MTMR7: variants seen among roughly 807,000 people sequenced by gnomAD.
The protein encoded by MTMR7 is phosphatidylinositol-3-phosphate phosphatase MTMR7.
A neutral mutation model predicts 81.2 loss-of-function variants in MTMR7; 76 were observed. That is an observed-to-expected ratio of 0.94 (90% CI 0.78 to 1.13). MTMR7 has a LOEUF of 1.13. Ranked by LOEUF, MTMR7 falls within the 50% of genes most tolerant of loss-of-function variation. The pLI is 0.00. For missense variants in MTMR7, 1,044 were observed against 820.0 expected (o/e 1.27, Z -3.34); for synonymous variants, 372 against 289.8 (o/e 1.28, Z -2.88).
chr8:17,318,386 T>G (rs748713315), intron 7 of MTMR7, among the ~76,000 whole-genome samples: 1 of 151,924 alleles, frequency 6.6e-6, no homozygotes, highest in Non-Finnish European at 1.5e-5. Flanking sequence ...ACAGCGTTCA[T>G]GATAATGGCT....
chr8:17,311,700 C>T, intron 8 of MTMR7, 64 bp from the exon 9 acceptor site: 1 of 1,608,552 alleles, frequency 6.2e-7, no homozygotes, highest in Non-Finnish European at 8.5e-7. Context: ...AACCTCTCAT[C>T]ACAGCCAGGT....
intron 3 of MTMR7, among the ~76,000 whole-genome samples, chr8:17,364,783 G>C (rs1820174819): frequency 1.3e-5 from 2 of 152,168 alleles, no homozygotes; most frequent in Admixed American, 6.5e-5. Context: ...TCCATTATTT[G>C]TATATACCAT....
At chr8:17,303,579 C>T (rs1386570061) in intron 12 of MTMR7, among the ~76,000 whole-genome samples, 1 of 151,356 alleles carries the variant, frequency 6.6e-6, no homozygotes, top group African/African-American at 2.4e-5. Flanking sequence ...GGATGCCACC[C>T]TGCTCTCCCC....
Position 17,331,167 on chromosome 8 carries a change from A to G in MTMR7, c.848T>C (p.Leu283Pro). The change falls in exon 7 of 14, where the codon CTG (leucine) becomes CCG (proline). Residue 283 changes from leucine to proline, a missense_variant. Transcript: ENST00000180173. Reference protein sequence around the residue: ...IENIHVMRNSLQKMLEVCELK... With the variant: ...IENIHVMRNSPQKMLEVCELK... ...TGGTTTACCTTCCAGCATTTTCTGC[A>G]GACTGTTCCTCATGACATGGATGTT... 6.2e-7 allele frequency: 1 copy of G among 1,611,474 alleles called. No homozygotes were observed. Among genetic ancestry groups the G allele is most frequent in the Non-Finnish European group, 8.5e-7 (1 of 1,179,350 alleles).
At position 17,299,694 on chromosome 8, in the gene MTMR7, A is replaced by AT. The variant is rs1816973293; in HGVS notation, c.*167_*168insA. On this transcript the variant is annotated 3_prime_UTR_variant, in exon 14 of 14. Coordinates refer to ENST00000180173, the MANE Select transcript of MTMR7 (RefSeq NM_004686.5). ...TAAATGAAATGACTACGTCCTCTTC[A>AT]GTATCTAAGAAATCAAGAACTGGGC... 1 of 815,030 alleles carries AT rather than the reference A, an allele frequency of 1.2e-6. No individual in the cohort carries two copies. Among genetic ancestry groups the AT allele is most frequent in the African/African-American group, 1.7e-5 (1 of 57,888 alleles). The allele number at this position is 815,030 out of a possible 1,614,324, so 50.5% of individuals were successfully genotyped here.
chr8:17,349,797 G>C (rs952021113), intron 4 of MTMR7, among the ~76,000 whole-genome samples: 14 of 152,298 alleles, frequency 9.2e-5, no homozygotes, highest in African/African-American at 2.9e-4. Context: ...ATTCCTGAGA[G>C]TGACTACCAC....
intron 3 of MTMR7, among the ~76,000 whole-genome samples, chr8:17,369,451 C>T (rs1177721759): frequency 6.6e-6 from 1 of 151,676 alleles, no homozygotes; most frequent in East Asian, 1.9e-4. Flanking sequence ...AGGATCCAAC[C>T]AAATGCCTTG....
chr8:17,309,652 G>A (rs1236894641), intron 9 of MTMR7, among the ~76,000 whole-genome samples: 2 of 152,150 alleles, frequency 1.3e-5, no homozygotes, highest in Non-Finnish European at 2.9e-5. Flanking sequence ...CACTCTTTTA[G>A]AAGGGGAAAC....
At chr8:17,368,255 C>A (rs1585096836) in intron 3 of MTMR7, among the ~76,000 whole-genome samples, 1 of 152,186 alleles carries the variant, frequency 6.6e-6, no homozygotes, top group East Asian at 1.9e-4. Context: ...ACGCCCGCCA[C>A]TCACCTCCTG....
At chr8:17,393,835 A>T (rs930650587) in intron 1 of MTMR7, among the ~76,000 whole-genome samples, 2 of 152,152 alleles carry the variant, frequency 1.3e-5, no homozygotes, top group African/African-American at 4.8e-5. Context: ...CATTTTGCAC[A>T]TGTAACCTGG....
At chr8:17,393,460 T>G (rs766689923) in intron 1 of MTMR7, among the ~76,000 whole-genome samples, 5 of 152,170 alleles carry the variant, frequency 3.3e-5, no homozygotes, top group Non-Finnish European at 7.3e-5. Context: ...AAGAAAATAT[T>G]TGCAAGTCAC....
chr8:17,390,085 A>T (rs1585116017), intron 1 of MTMR7, among the ~76,000 whole-genome samples: 1 of 83,356 alleles, frequency 1.2e-5, no homozygotes. Flanking sequence ...AAAAAAAAAA[A>T]AAAGAAATCC....
rs779033734 is a variant in MTMR7, at chr8:17,373,134, G to C, written c.131C>G (p.Pro44Arg). The change falls in exon 2 of 14, where the codon CCA becomes CGA. Residue 44 changes from proline (P) to arginine (R), a missense_variant. Physicochemically the swap from Pro to Arg is moderately radical, Grantham distance 103. Transcript: ENST00000180173. ...HVIFVENSPD[P>R]RKETWILHSQ... ...AAAGCATACCCATGTTTCTTTTCTT[G>C]GGTCAGGTGAATTTTCCACGAATAT... 3.1e-6 allele frequency: 5 copies of C among 1,613,686 alleles called. No homozygotes were observed. The African/African-American group carries it at 5.3e-5, about 17-fold the overall frequency.
chr8:17,401,347 T>C (rs1821424494), intron 1 of MTMR7, among the ~76,000 whole-genome samples: 1 of 151,914 alleles, frequency 6.6e-6, no homozygotes, highest in African/African-American at 2.4e-5. Context: ...GCAAAGGTGT[T>C]GAAAAAGGAG....
At chr8:17,336,996 A>G (rs180900518) in intron 6 of MTMR7, among the ~76,000 whole-genome samples, 27 of 152,286 alleles carry the variant, frequency 1.8e-4, no homozygotes, top group African/African-American at 5.1e-4. Flanking sequence ...TAACCTCTTT[A>G]AGTTCTAGCC....
At chr8:17,378,241 A>C (rs567507331) in intron 1 of MTMR7, among the ~76,000 whole-genome samples, 1 of 152,166 alleles carries the variant, frequency 6.6e-6, no homozygotes, top group Non-Finnish European at 1.5e-5. Context: ...AAAAGAAATA[A>C]GGAGGGGAAC....
At chr8:17,386,767 C>T (rs1481020346) in intron 1 of MTMR7, among the ~76,000 whole-genome samples, 2 of 152,198 alleles carry the variant, frequency 1.3e-5, no homozygotes, top group Non-Finnish European at 2.9e-5. Context: ...CACGCTTACC[C>T]CTAAACCATT....
At position 17,404,238 on chromosome 8, in the gene MTMR7, C is replaced by G. The variant is rs1356846886; in HGVS notation, c.24+9031G>C. 2.6e-5 allele frequency among the ~76,000 whole-genome samples: 4 copies of G among 151,952 alleles called. 1 individual carries two copies. In the South Asian group the frequency reaches 8.3e-4, roughly 32 times the overall value. On this transcript the variant is annotated intron_variant, in intron 1 of 13. Transcript: ENST00000180173. ...ATAACCTGGATAAGGTGAGGATTTA[C>G]TATTGGAATAGATATGGGAGGAGAT...
Position 17,371,649 on chromosome 8 carries a change from G to A in MTMR7, c.148-450C>T, listed in dbSNP as rs141299916. ...GAATGTTCGAGTTCTGTATCAACAT[G>A]GGATTGTTGTTTTCTAAGCTGTTGG... On this transcript the variant is annotated intron_variant, in intron 2 of 13. Transcript: ENST00000180173. Among the ~76,000 whole-genome samples the A allele has an allele frequency of 7.2e-3, 1,093 of 152,206 alleles. 6 individuals carry two copies. Among genetic ancestry groups the A allele is most frequent in the Admixed American group, 0.01 (159 of 15,300 alleles).
Sources: gnomAD v4.1 joint callset for allele counts (sites outside exome capture counted in the v4.1 genomes callset) on GRCh38, gnomAD v4.1.1 for gene constraint, MANE v1.5 for transcripts, NCBI Gene and HGNC (gene_info 2026-07-23, HGNC 2026-07-21) for gene names.